Variants in DACH1 observed in about 807,000 individuals in gnomAD.
The protein encoded by DACH1 is dachshund homolog 1.
DACH1 carries 12 observed loss-of-function variants against 54.2 expected under a neutral mutation model. The ratio of observed to expected loss-of-function variants is 0.22; its 90% CI spans 0.14 to 0.36. The LOEUF (loss-of-function observed/expected upper bound fraction) is 0.36. DACH1 is among the 10% of genes least tolerant of loss of function. DACH1 has a pLI of 1.00. For missense variants in DACH1, 805 were observed against 929.8 expected (o/e 0.87, Z 1.75); for synonymous variants, 386 against 366.2 (o/e 1.05, Z -0.62).
chr13:71,864,896 G>A (rs1275382961), intron 1 of DACH1, among the ~76,000 whole-genome samples: 2 of 152,190 alleles, frequency 1.3e-5, no homozygotes, highest in Non-Finnish European at 2.9e-5. Context: ...GAGCATCCCA[G>A]TGCAAAGTGT....
chr13:71,591,236 G>C (rs1294583928), intron 3 of DACH1, among the ~76,000 whole-genome samples: 1 of 151,794 alleles, frequency 6.6e-6, no homozygotes, highest in Non-Finnish European at 1.5e-5. Context: ...TACTTCCACT[G>C]ACTATAAGCA....
At chr13:71,508,272 T>C (rs946103482) in intron 6 of DACH1, among the ~76,000 whole-genome samples, 2 of 152,172 alleles carry the variant, frequency 1.3e-5, no homozygotes, top group Non-Finnish European at 2.9e-5. Flanking sequence ...GTGGCCTGAA[T>C]TCATTGTGAA....
intron 1 of DACH1, among the ~76,000 whole-genome samples, chr13:71,767,938 A>G (rs1172991143): frequency 2.6e-5 from 4 of 152,034 alleles, no homozygotes; most frequent in Non-Finnish European, 4.4e-5. Context: ...CAATATTTTA[A>G]AATAAGATAT....
At chr13:71,828,811 GC>G (rs1888478056) in intron 1 of DACH1, among the ~76,000 whole-genome samples, 3 of 151,634 alleles carry the variant, frequency 2.0e-5, no homozygotes, top group Admixed American at 2.0e-4. Context: ...GGTCTCTAAG[GC>G]CCCCAGTCTT....
At chr13:71,768,173 T>C (rs1055806462) in intron 1 of DACH1, among the ~76,000 whole-genome samples, 2 of 151,968 alleles carry the variant, frequency 1.3e-5, no homozygotes, top group African/African-American at 4.8e-5. Flanking sequence ...ACCTCTTTCT[T>C]TTAATATTCT....
intron 1 of DACH1, among the ~76,000 whole-genome samples, chr13:71,740,319 A>G (rs1884327482): frequency 7.4e-6 from 1 of 135,288 alleles, no homozygotes; most frequent in Admixed American, 7.1e-5. Context: ...AAAACAAAAC[A>G]AAAAAAAAAT....
At chr13:71,748,917 T>TC (rs1884782944) in intron 1 of DACH1, among the ~76,000 whole-genome samples, 1 of 42,562 alleles carries the variant, frequency 2.3e-5, no homozygotes, top group African/African-American at 5.3e-5. Flanking sequence ...TCTTTCTTTC[T>TC]TTCTTTCTTT....
At chr13:71,468,109 T>C (rs1876756602) in intron 10 of DACH1, among the ~76,000 whole-genome samples, 1 of 152,158 alleles carries the variant, frequency 6.6e-6, no homozygotes, top group Admixed American at 6.5e-5. Context: ...CCACAAACAC[T>C]TTACTATGGG....
intron 1 of DACH1, among the ~76,000 whole-genome samples, chr13:71,712,437 T>G (rs962182721): frequency 6.6e-6 from 1 of 152,164 alleles, no homozygotes; most frequent in African/African-American, 2.4e-5. Flanking sequence ...CTGCTTTAGC[T>G]GTAATATTTT....
At chr13:71,503,682 C>T (rs113735651) in intron 6 of DACH1, among the ~76,000 whole-genome samples, 2,180 of 152,236 alleles carry the variant, frequency 0.014, 60 homozygotes, top group African/African-American at 0.05. Flanking sequence ...CTTAAAAATA[C>T]TATTGGCTGT....
intron 8 of DACH1, among the ~76,000 whole-genome samples, chr13:71,478,120 T>A: frequency 6.6e-6 from 1 of 152,220 alleles, no homozygotes; most frequent in East Asian, 1.9e-4. Flanking sequence ...GGCTGTCTCA[T>A]GGAAGCTGGT....
intron 2 of DACH1, among the ~76,000 whole-genome samples, chr13:71,680,238 A>C (rs1880817346): frequency 6.6e-6 from 1 of 152,140 alleles, no homozygotes. Context: ...TCATTTTTCT[A>C]TATCTCAATT....
chr13:71,642,585 T>G (rs1045207661), intron 2 of DACH1, among the ~76,000 whole-genome samples: 1 of 152,220 alleles, frequency 6.6e-6, no homozygotes, highest in Non-Finnish European at 1.5e-5. Context: ...TCACATCTAG[T>G]CACTCTTTTT....
At chr13:71,513,891 C>A (rs955855588) in intron 6 of DACH1, among the ~76,000 whole-genome samples, 1 of 152,050 alleles carries the variant, frequency 6.6e-6, no homozygotes, top group Non-Finnish European at 1.5e-5. Context: ...GCTGCCCAGG[C>A]CCCTCTGTCC....
At chr13:71,531,882 AATATT>A (rs1222409786) in intron 6 of DACH1, among the ~76,000 whole-genome samples, 1 of 151,924 alleles carries the variant, frequency 6.6e-6, no homozygotes, top group Non-Finnish European at 1.5e-5. Flanking sequence ...TCTTAAAATA[AATATT>A]ATATTTTTAT....
At chr13:71,701,697 T>C (rs188382931) in intron 1 of DACH1, among the ~76,000 whole-genome samples, 3 of 152,148 alleles carry the variant, frequency 2.0e-5, no homozygotes, top group East Asian at 3.9e-4. Context: ...GGTAGAAAGA[T>C]GAAAATAAAA....
At position 71,438,326 on chromosome 13, in the gene DACH1, A is replaced by G. The variant is rs1873694270; in HGVS notation, c.*2329T>C. 1 of 152,366 alleles carries G rather than the reference A, an allele frequency of 6.6e-6. No individual in the cohort carries two copies. Among genetic ancestry groups the G allele is most frequent in the African/African-American group, 2.4e-5 (1 of 41,432 alleles). The allele number at this position is 152,366 out of a possible 1,614,324, so 9.4% of individuals were successfully genotyped here. On this transcript the variant is annotated 3_prime_UTR_variant, in exon 11 of 11. Coordinates refer to ENST00000613252, the MANE Select transcript of DACH1 (RefSeq NM_080759.6). ...TTTTTAGGATTACAAAAGCATGGAA[A>G]CCATAAAATGGGCACATTTTACTTG... is the stretch of plus-strand genomic sequence containing the variant.
At chr13:71,512,346 T>C (rs553198492) in intron 6 of DACH1, among the ~76,000 whole-genome samples, 2 of 151,868 alleles carry the variant, frequency 1.3e-5, no homozygotes, top group African/African-American at 4.8e-5. Context: ...TTCCCTTTGG[T>C]TTACCGCACG....
chr13:71,710,372 A>G (rs1300623634), intron 1 of DACH1, among the ~76,000 whole-genome samples: 1 of 152,010 alleles, frequency 6.6e-6, no homozygotes, highest in Non-Finnish European at 1.5e-5. Context: ...AGGGATGCGC[A>G]GAGGATCATA....
Sources: gnomAD v4.1 joint callset for allele counts (sites outside exome capture counted in the v4.1 genomes callset) on GRCh38, gnomAD v4.1.1 for gene constraint, MANE v1.5 for transcripts, NCBI Gene and HGNC (gene_info 2026-07-23, HGNC 2026-07-21) for gene names.